MBOAT2: variants seen among roughly 807,000 people sequenced by gnomAD.
MBOAT2 encodes membrane bound glycerophospholipid O-acyltransferase 2, also known as membrane-bound glycerophospholipid O-acyltransferase 2.
MBOAT2 carries 28 observed loss-of-function variants against 63.4 expected under a neutral mutation model. The ratio of observed to expected loss-of-function variants is 0.44; its 90% CI spans 0.33 to 0.61. The LOEUF is 0.61. Ranked by LOEUF, MBOAT2 falls within the 20% of genes least tolerant of loss-of-function variation. The probability of loss-of-function intolerance (pLI) is 0.03; values close to 1 mark genes in which losing one functional copy is unlikely to be tolerated. For synonymous variants in MBOAT2, 211 were observed against 215.6 expected (o/e 0.98, Z 0.19); for missense variants, 470 against 605.8 (o/e 0.78, Z 2.35).
intron 3 of MBOAT2, among the ~76,000 whole-genome samples, chr2:8,934,932 G>A (rs1667556977): frequency 6.6e-6 from 1 of 152,110 alleles, no homozygotes; most frequent in African/African-American, 2.4e-5. Flanking sequence ...TAGAGTTGAG[G>A]CAGTTCCTGA....
Position 8,958,591 on chromosome 2 carries a change from G to A in MBOAT2, c.127C>T (p.Arg43Ter), listed in dbSNP as rs762776291. 4.3e-6 allele frequency: 7 copies of A among 1,611,178 alleles called. No individual in the cohort carries two copies. The highest frequency in any genetic ancestry group is 1.7e-5 in the Admixed American group (1 of 59,230). ...LFALLAAIWF[R>*]TYLHSSKTSS... ...GTTTTGCTTGAATGTAGATAAGTTC[G>A]AAACCAAATGGCTGCTAGCAAGGCA... The change falls in exon 2 of 13, where the codon CGA (arginine) becomes TGA (stop). Residue 43 changes from arginine (R) to a stop codon, truncating the protein, a stop_gained. Coordinates refer to ENST00000305997, the MANE Select transcript of MBOAT2 (RefSeq NM_138799.4). LOFTEE classifies it high-confidence loss of function.
chr2:8,859,697 T>C (rs948046851), intron 12 of MBOAT2, among the ~76,000 whole-genome samples: 5 of 152,216 alleles, frequency 3.3e-5, no homozygotes, highest in African/African-American at 9.6e-5. Context: ...AAAGAATTTA[T>C]AAAAGAATAA....
intron 1 of MBOAT2, among the ~76,000 whole-genome samples, chr2:8,980,464 T>G (rs2103334928): frequency 6.6e-6 from 1 of 152,202 alleles, no homozygotes; most frequent in African/African-American, 2.4e-5. Context: ...ACTTGTAGAT[T>G]ATGAGGTTTA....
chr2:8,965,021 G>A (rs1290408818), intron 1 of MBOAT2, among the ~76,000 whole-genome samples: 1 of 152,000 alleles, frequency 6.6e-6, no homozygotes, highest in African/African-American at 2.4e-5. Flanking sequence ...TTGTATCTTT[G>A]TTTATGGTGT....
chr2:8,896,974 C>T (rs915117744), intron 4 of MBOAT2, among the ~76,000 whole-genome samples: 1 of 152,238 alleles, frequency 6.6e-6, no homozygotes, highest in Non-Finnish European at 1.5e-5. Context: ...GGCCTCAGTG[C>T]TTTCGGGCTA....
At chr2:8,874,158 T>G (rs1054062322) in intron 7 of MBOAT2, among the ~76,000 whole-genome samples, 1 of 152,218 alleles carries the variant, frequency 6.6e-6, no homozygotes, top group East Asian at 1.9e-4. Flanking sequence ...ACACTTTATA[T>G]AATAGTGCCA....
At chr2:8,943,513 T>C (rs1168877146) in intron 2 of MBOAT2, among the ~76,000 whole-genome samples, 1 of 152,224 alleles carries the variant, frequency 6.6e-6, no homozygotes, top group Admixed American at 6.5e-5. Flanking sequence ...CCATGTCTCC[T>C]GGCTGCATGG....
At chr2:8,882,759 T>C (rs986739292) in intron 5 of MBOAT2, among the ~76,000 whole-genome samples, 194 bp from the exon 6 acceptor site, 3 of 152,158 alleles carry the variant, frequency 2.0e-5, no homozygotes, top group African/African-American at 4.8e-5. Flanking sequence ...AAATAACACA[T>C]GGTTGGGTAT....
Position 8,948,862 on chromosome 2 carries a change from ATGGGATTGC to A in MBOAT2, c.222-5607_222-5599del, listed in dbSNP as rs530039400. ...TTTTCCTTGGGGTATATACCCAGTA[ATGGGATTGC>A]TGGGTCAAACGGTAGTTGTTTCAAG... On this transcript the variant is annotated intron_variant, in intron 2 of 12. Coordinates refer to ENST00000305997, the MANE Select transcript of MBOAT2 (RefSeq NM_138799.4). Among the ~76,000 whole-genome samples the A allele has an allele frequency of 1.6e-3, 239 of 152,344 alleles. 3 individuals carry two copies. The highest frequency in any genetic ancestry group is 4.1e-3 in the South Asian group (20 of 4,826).
rs529413443 is a variant in MBOAT2 at position 8,994,472 on chromosome 2, T to C, written c.75+9068A>G. On this transcript the variant is annotated intron_variant, in intron 1 of 12. Transcript: ENST00000305997. ...TTCCTAAGAAAGAACTGGATGACAC[T>C]GGGCTTCTGCTGTACAGAAACAGGA... is the stretch of plus-strand genomic sequence containing the variant. Among the ~76,000 whole-genome samples, 15 of 152,308 alleles carry C rather than the reference T, an allele frequency of 9.8e-5. No individual in the cohort carries two copies. In the South Asian group the frequency reaches 2.1e-3, roughly 21 times the overall value.
chr2:8,888,148 G>C, intron 4 of MBOAT2, 75 bp from the exon 5 acceptor site: 1 of 1,352,086 alleles, frequency 7.4e-7, no homozygotes, highest in Non-Finnish European at 1.0e-6. Flanking sequence ...TGAGTTAAGA[G>C]TTTATTCTGC....
At chr2:8,883,303 T>C (rs886282426) in intron 5 of MBOAT2, among the ~76,000 whole-genome samples, 2 of 152,162 alleles carry the variant, frequency 1.3e-5, no homozygotes, top group Non-Finnish European at 1.5e-5. Context: ...AATCGTAGAA[T>C]ACATGTAGCC....
intron 1 of MBOAT2, among the ~76,000 whole-genome samples, chr2:8,988,212 C>G (rs1314053874): frequency 1.3e-5 from 2 of 152,286 alleles, no homozygotes; most frequent in African/African-American, 4.8e-5. Flanking sequence ...GGCCTAATAT[C>G]TACTTGCTGG....
intron 3 of MBOAT2, among the ~76,000 whole-genome samples, chr2:8,923,004 A>G (rs907819073): frequency 6.6e-6 from 1 of 152,252 alleles, no homozygotes; most frequent in African/African-American, 2.4e-5. Context: ...GAGATCTGAC[A>G]TAACTGACTC....
chr2:8,902,090 G>A (rs1346029604), intron 4 of MBOAT2, among the ~76,000 whole-genome samples: 1 of 151,688 alleles, frequency 6.6e-6, no homozygotes, highest in Non-Finnish European at 1.5e-5. Flanking sequence ...AGAGGTACAG[G>A]AAAAGTGGAA....
Position 8,904,443 on chromosome 2 carries a change from C to G in MBOAT2, c.395+4178G>C, listed in dbSNP as rs190274588. ...CCTCCCACTTCAGCCTCCTGAGTAGCTGGGACTACAGGCACACAGCACCAT... is the reference window on the plus strand; with the variant it reads ...CCTCCCACTTCAGCCTCCTGAGTAGGTGGGACTACAGGCACACAGCACCAT... On this transcript the variant is annotated intron_variant, in intron 4 of 12. Transcript: ENST00000305997. Among the ~76,000 whole-genome samples, 588 of 152,078 alleles carry G rather than the reference C, an allele frequency of 3.9e-3. 2 individuals carry two copies. Among genetic ancestry groups the G allele is most frequent in the Non-Finnish European group, 6.9e-3 (468 of 68,000 alleles).
intron 6 of MBOAT2, among the ~76,000 whole-genome samples, chr2:8,880,482 TC>T (rs1663030775): frequency 6.6e-6 from 1 of 152,206 alleles, no homozygotes; most frequent in South Asian, 2.1e-4. Flanking sequence ...GAGCTGCCTG[TC>T]ACTATCCATA....
At chr2:8,872,407 A>T (rs564768448) in intron 8 of MBOAT2, among the ~76,000 whole-genome samples, 1 of 152,286 alleles carries the variant, frequency 6.6e-6, no homozygotes, top group South Asian at 2.1e-4. Context: ...CCTCTCAAGT[A>T]GCTGGGACTA....
At chr2:8,895,497 G>A (rs985743752) in intron 4 of MBOAT2, among the ~76,000 whole-genome samples, 5 of 152,148 alleles carry the variant, frequency 3.3e-5, no homozygotes, top group African/African-American at 1.2e-4. Flanking sequence ...GCTAGACACA[G>A]AGCGCTGATT....
Sources: allele counts gnomAD v4.1 joint callset (sites outside exome capture counted in the v4.1 genomes callset), GRCh38; gene constraint gnomAD v4.1.1; transcripts MANE v1.5; gene names NCBI Gene and HGNC (gene_info 2026-07-23, HGNC 2026-07-21).